The following ITPR2 variants were observed in gnomAD, a reference collection of about 807,000 sequenced individuals.
The protein encoded by ITPR2 is inositol 1,4,5-trisphosphate receptor type 2.
ITPR2 carries 207 observed loss-of-function variants against 317.1 expected under a neutral mutation model. That is an observed-to-expected ratio of 0.65 (90% CI 0.58 to 0.73). The LOEUF (loss-of-function observed/expected upper bound fraction) is 0.73. ITPR2 is among the 30% of genes least tolerant of loss of function. The pLI is 0.00. For synonymous variants in ITPR2, 1,156 were observed against 1,149.1 expected, an observed-to-expected ratio of 1.01 and a Z score of -0.12; for missense variants, 2,613 against 3,284.0, an observed-to-expected ratio of 0.80 and a Z score of 4.99.
intron 25 of ITPR2, among the ~76,000 whole-genome samples, chr12:26,621,988 C>T (rs764747563): frequency 6.6e-6 from 1 of 152,182 alleles, no homozygotes; most frequent in Non-Finnish European, 1.5e-5. Context: ...GTTATTATCT[C>T]CCAGTGCCTT....
At chr12:26,403,239 A>T (rs1489017470) in intron 52 of ITPR2, among the ~76,000 whole-genome samples, 1 of 152,126 alleles carries the variant, frequency 6.6e-6, no homozygotes, top group Non-Finnish European at 1.5e-5. Flanking sequence ...AATGATTTAG[A>T]CTTTGGTAAA....
rs539563869 is a variant in ITPR2, at chr12:26,738,552, T to C, written c.164-12787A>G. Among the ~76,000 whole-genome samples, 4 of 152,254 alleles carry C rather than the reference T, an allele frequency of 2.6e-5. No individual in the cohort carries two copies. In the East Asian group the frequency reaches 7.7e-4, roughly 29 times the overall value. On this transcript the variant is annotated intron_variant, in intron 2 of 56. Transcript: ENST00000381340. ...AACTGTAAATTTGTTTGTTGTTCTC[T>C]TCCTCTATTTTTTAGCTTCTCTCTC...
At chr12:26,647,538 A>G (rs1947139999) in intron 21 of ITPR2, among the ~76,000 whole-genome samples, 2 of 152,246 alleles carry the variant, frequency 1.3e-5, no homozygotes, top group Admixed American at 6.5e-5. Context: ...AATATGGAAA[A>G]TATCCAGTTC....
At position 26,793,586 on chromosome 12, in the gene ITPR2, T is replaced by C. The variant is rs184095056; in HGVS notation, c.93-3359A>G. Among the ~76,000 whole-genome samples the C allele has an allele frequency of 8.2e-4, 125 of 152,274 alleles. 1 individual carries two copies. In the East Asian group the frequency reaches 0.019, roughly 23 times the overall value. ...TCATGTATATATATATGCAACATCA[T>C]TATAAGCTCCAAGAGAGTCAGTCCA... is the stretch of plus-strand genomic sequence containing the variant. On this transcript the variant is annotated intron_variant, in intron 1 of 56. Coordinates refer to ENST00000381340, the MANE Select transcript of ITPR2 (RefSeq NM_002223.4).
chr12:26,590,579 T>G (rs1945673012), intron 32 of ITPR2, among the ~76,000 whole-genome samples: 1 of 152,112 alleles, frequency 6.6e-6, no homozygotes, highest in South Asian at 2.1e-4. Flanking sequence ...GCAGAAGAAA[T>G]GAAACTATAC....
chr12:26,686,814 A>G (rs10743591), intron 10 of ITPR2, among the ~76,000 whole-genome samples, 182 bp from the exon 11 acceptor site: 126,137 of 152,208 alleles, frequency 0.83, 52,402 homozygotes, highest in Admixed American at 0.88. Flanking sequence ...ACTGTCAACA[A>G]TGATGAGTCC....
intron 2 of ITPR2, among the ~76,000 whole-genome samples, chr12:26,784,554 G>A (rs1290210243): frequency 1.3e-5 from 2 of 151,594 alleles, no homozygotes; most frequent in African/African-American, 2.4e-5. Flanking sequence ...GTGTTGGCCG[G>A]GCTGGTCTCC....
intron 11 of ITPR2, among the ~76,000 whole-genome samples, chr12:26,683,099 T>C (rs1251802453): frequency 6.6e-6 from 1 of 152,212 alleles, no homozygotes; most frequent in East Asian, 1.9e-4. Flanking sequence ...GTGTAGTTTG[T>C]GTAGTTTAAT....
chr12:26,621,239 G>T lies in ITPR2; in HGVS notation c.3346C>A (p.Leu1116Ile), dbSNP rs186378448. ...VDNYKQIKAD[L>I]DQLRLTVEKS... ...TCTACTGTCAGTCGAAGCTGGTCTA[G>T]ATCTGCCTTGATTTGCTTGTAGTTA... Residue 1116 changes from leucine (L) to isoleucine (I), a missense_variant, in exon 26 of 57, where the codon CTA becomes ATA. By Grantham distance (5) the Leu-to-Ile change is conservative. Transcript: ENST00000381340. 674 of 1,613,740 alleles carry T rather than the reference G, an allele frequency of 4.2e-4. No homozygotes were observed. The highest frequency in any genetic ancestry group is 1.2e-3 in the Admixed American group (75 of 60,006).
chr12:26,583,453 T>C (rs909430002), intron 32 of ITPR2, among the ~76,000 whole-genome samples: 1 of 152,136 alleles, frequency 6.6e-6, no homozygotes, highest in Non-Finnish European at 1.5e-5. Flanking sequence ...GTAAACTACT[T>C]TTCAACATTC....
intron 37 of ITPR2, among the ~76,000 whole-genome samples, chr12:26,525,873 A>G (rs1943798596): frequency 6.6e-6 from 1 of 152,178 alleles, no homozygotes; most frequent in Non-Finnish European, 1.5e-5. Flanking sequence ...GTATCTACCC[A>G]TTAGACTGTC....
At chr12:26,817,615 C>G (rs1488062824) in intron 1 of ITPR2, among the ~76,000 whole-genome samples, 4 of 152,190 alleles carry the variant, frequency 2.6e-5, no homozygotes, top group African/African-American at 9.7e-5. Context: ...CTGATTATTT[C>G]ATTCTCCTGC....
intron 54 of ITPR2, among the ~76,000 whole-genome samples, chr12:26,398,057 G>GGTGTGTGTGT (rs35660888): frequency 2.4e-4 from 32 of 135,000 alleles, no homozygotes; most frequent in Admixed American, 5.2e-4. Flanking sequence ...GGAGGGGAGT[G>GGTGTGTGTGT]GTGTGTGTGT....
chr12:26,632,524 T>C (rs1946778081), intron 21 of ITPR2, among the ~76,000 whole-genome samples: 2 of 152,320 alleles, frequency 1.3e-5, no homozygotes, highest in South Asian at 4.2e-4. Flanking sequence ...AAACCAGGGA[T>C]TTTTTAGCTT....
intron 13 of ITPR2, among the ~76,000 whole-genome samples, chr12:26,669,448 C>T (rs1253164433): frequency 2.0e-5 from 3 of 152,136 alleles, no homozygotes; most frequent in South Asian, 2.1e-4. Context: ...TAAAAGTATA[C>T]CTTAAGTGTC....
chr12:26,793,251 G>A (rs75134131), intron 1 of ITPR2, among the ~76,000 whole-genome samples: 3,665 of 152,092 alleles, frequency 0.024, 161 homozygotes, highest in African/African-American at 0.084. Context: ...GAAAAACATT[G>A]ATCTATTCCA....
chr12:26,568,683 A>C (rs969992259), intron 34 of ITPR2, among the ~76,000 whole-genome samples: 1 of 152,162 alleles, frequency 6.6e-6, no homozygotes, highest in Non-Finnish European at 1.5e-5. Context: ...TAGGGGGGAA[A>C]GGCAACAGAA....
chr12:26,817,030 A>C (rs900424434), intron 1 of ITPR2, among the ~76,000 whole-genome samples: 1 of 151,948 alleles, frequency 6.6e-6, no homozygotes, highest in African/African-American at 2.4e-5. Context: ...AATACAAAAA[A>C]ATTAGCCGGG....
chr12:26,576,344 A>G (rs1945274913), intron 34 of ITPR2, among the ~76,000 whole-genome samples: 1 of 152,196 alleles, frequency 6.6e-6, no homozygotes, highest in South Asian at 2.1e-4. Context: ...TCTTCTGTGC[A>G]TCCTTTTAAA....
Sources: gnomAD v4.1 joint callset for allele counts (sites outside exome capture counted in the v4.1 genomes callset) on GRCh38, gnomAD v4.1.1 for gene constraint, MANE v1.5 for transcripts, NCBI Gene and HGNC (gene_info 2026-07-23, HGNC 2026-07-21) for gene names.